The following KRT4 variants were observed in gnomAD, a reference collection of about 807,000 sequenced individuals.
The protein encoded by KRT4 is keratin, type II cytoskeletal 4.
KRT4 carries 47 observed loss-of-function variants against 50.6 expected under a neutral mutation model. The observed-to-expected ratio is 0.93, with a 90% CI of 0.73 to 1.18. The LOEUF (loss-of-function observed/expected upper bound fraction) is 1.18, where lower values mean the gene tolerates loss of function less well. KRT4 is among the 50% of genes most tolerant of loss of function. The pLI is 0.00. For synonymous variants in KRT4, 254 were observed against 251.2 expected, an observed-to-expected ratio of 1.01 and a Z score of -0.10; for missense variants, 651 against 645.7, an observed-to-expected ratio of 1.01 and a Z score of -0.09.
Position 52,813,689 on chromosome 12 carries a change from C to T in KRT4, c.370G>A (p.Val124Met), listed in dbSNP as rs568839414. ...INQSLLTPLH[V>M]EIDPEIQKVR... The stretch of plus-strand genomic sequence containing the variant: ...TTCTGGATCTCAGGGTCAATCTCCA[C>T]GTGGAGGGGGGTGAGCAAGCTCTGG... The change falls in exon 1 of 9, where the codon GTG becomes ATG. Residue 124 changes from valine to methionine, a missense_variant. Coordinates refer to ENST00000551956, the MANE Select transcript of KRT4 (RefSeq NM_002272.4). The T allele has an allele frequency of 1.1e-5, 18 of 1,571,808 alleles. No homozygotes were observed. In the East Asian group the frequency reaches 1.2e-4, roughly 10 times the overall value.
rs754381116 is a variant in KRT4, at chr12:52,814,097, C to T, written c.-39G>A. 1 of 1,613,748 alleles carries T rather than the reference C, an allele frequency of 6.2e-7. No individual in the cohort carries two copies. The highest frequency in any genetic ancestry group is 1.3e-5 in the African/African-American group (1 of 74,918). ...GAGCTGGGAGCTATCAGAGAAGTGA[C>T]AGGGCCCAGGCCGGTGAGTGCTGGA... On this transcript the variant is annotated 5_prime_UTR_variant, in exon 1 of 9. Coordinates refer to ENST00000551956, the MANE Select transcript of KRT4 (RefSeq NM_002272.4).
intron 2 of KRT4, chr12:52,811,041 A>G: frequency 1.8e-6 from 1 of 542,156 alleles, no homozygotes; most frequent in Non-Finnish European, 3.3e-6. Flanking sequence ...CCAAACTTTA[A>G]AGAGACTGTT....
chr12:52,808,018 T>G (rs1049324367), intron 6 of KRT4, among the ~76,000 whole-genome samples, 154 bp from the exon 7 acceptor site: 5 of 152,148 alleles, frequency 3.3e-5, no homozygotes, highest in Admixed American at 3.3e-4. Context: ...TCTCATTCAC[T>G]CCAGCCATAG....
At position 52,810,637 on chromosome 12, in the gene KRT4, T is replaced by G; in HGVS notation, c.738+119A>C. 6 of 833,732 alleles carry G rather than the reference T, an allele frequency of 7.2e-6. No individual in the cohort carries two copies. In the East Asian group the frequency reaches 1.5e-4, roughly 21 times the overall value. 51.6% of individuals were successfully genotyped at this position (833,732 alleles called of 1,614,324 possible). On this transcript the variant is annotated intron_variant, in intron 3 of 8. Transcript: ENST00000551956. ...CTTTCCTTGACTATATAGATCTAGA[T>G]AGTTCCAAGTGAAGCAGGGATGAGG...
chr12:52,807,136 C>T lies in KRT4; in HGVS notation c.1496G>A (p.Gly499Asp), dbSNP rs563283751. The stretch of plus-strand genomic sequence containing the variant: ...GCTGGAACTGCCAGAGACACTGCCA[C>T]CAAACCCAAAGCCACTTCCAGAGCC... ...GSGSGSGFGF[G>D]GSVSGSSSSK... is the part of the protein sequence containing the mutation. The change falls in exon 9 of 9, where the codon GGT (glycine) becomes GAT (aspartate). Residue 499 changes from glycine to aspartate, a missense_variant. Gly to Asp is a moderately conservative substitution (Grantham distance 94, BLOSUM62 -1). Transcript: ENST00000551956. 34 of 1,614,194 alleles carry T rather than the reference C, an allele frequency of 2.1e-5. No homozygotes were observed. In the South Asian group the frequency reaches 2.4e-4, roughly 11 times the overall value.
Position 52,807,001 on chromosome 12 carries a change from G to A in KRT4, c.*68C>T, listed in dbSNP as rs149040467. On this transcript the variant is annotated 3_prime_UTR_variant, in exon 9 of 9. Transcript: ENST00000551956. ...CAGAGACAGAGGATGGAGGTGAAGT[G>A]AAGGAAGCACAGAGACACCAGTGCT... is the stretch of plus-strand genomic sequence containing the variant. The A allele has an allele frequency of 2.9e-4, 422 of 1,479,832 alleles. 2 individuals are homozygous for A. In the African/African-American group the frequency reaches 5.5e-3, roughly 19 times the overall value. 91.7% of individuals were successfully genotyped at this position (1,479,832 alleles called of 1,614,324 possible). A position where few individuals can be genotyped will look rare whatever the true frequency, so the allele number is the denominator to read the frequency against.
At position 52,813,721 on chromosome 12, in the gene KRT4, G is replaced by A. The variant is rs767456647; in HGVS notation, c.338C>T (p.Thr113Ile). 4 of 1,614,140 alleles carry A rather than the reference G, an allele frequency of 2.5e-6. No individual in the cohort carries two copies. Among genetic ancestry groups the A allele is most frequent in the Non-Finnish European group, 3.4e-6 (4 of 1,179,974 alleles). Residue 113 changes from threonine to isoleucine, a missense_variant, in exon 1 of 9, where the codon ACC becomes ATC. Thr to Ile is a moderately conservative substitution (Grantham distance 89, BLOSUM62 -1). Transcript: ENST00000551956. ...VCPAGGIQEV[T>I]INQSLLTPLH... is the part of the protein sequence containing the mutation. The stretch of plus-strand genomic sequence containing the variant: ...GGGGGTGAGCAAGCTCTGGTTGATG[G>A]TGACCTCCTGAATTCCCCCAGCGGG...
chr12:52,812,779 T>G (rs1056876757), intron 1 of KRT4, among the ~76,000 whole-genome samples: 2 of 152,238 alleles, frequency 1.3e-5, no homozygotes, highest in Non-Finnish European at 2.9e-5. Flanking sequence ...TTATTCAAAC[T>G]AGCAAGAAGA....
intron 2 of KRT4, 36 bp from the exon 3 acceptor site, chr12:52,810,852 C>T (rs1939898446): frequency 1.3e-6 from 2 of 1,539,560 alleles, no homozygotes; most frequent in African/African-American, 1.4e-5. Context: ...GACAAAAACC[C>T]ACAGTGAGCT....
At chr12:52,808,262 T>C (rs1301383757) in intron 6 of KRT4, 32 bp downstream of exon 6, 2 of 1,613,638 alleles carry the variant, frequency 1.2e-6, no homozygotes, top group East Asian at 2.2e-5. Flanking sequence ...GCCCCTGGCC[T>C]TGTGCTCCAT....
intron 1 of KRT4, 73 bp downstream of exon 1, chr12:52,813,524 C>T (rs1939946833): frequency 7.4e-7 from 1 of 1,359,536 alleles, no homozygotes; most frequent in Non-Finnish European, 1.1e-6. Context: ...CTGTGGCAGG[C>T]TCAGGTCTGA....
chr12:52,809,012 A>G (rs1939859649), intron 4 of KRT4, 162 bp from the exon 5 acceptor site: 18 of 786,886 alleles, frequency 2.3e-5, no homozygotes, highest in Non-Finnish European at 3.7e-5. Context: ...AGGATGGAAG[A>G]GCAATGCTTC....
At chr12:52,807,472 A>G in intron 7 of KRT4, 79 bp from the exon 8 acceptor site, 1 of 1,563,894 alleles carries the variant, frequency 6.4e-7, no homozygotes, top group Non-Finnish European at 8.8e-7. Flanking sequence ...CACCTCTCTT[A>G]TCCTTGAGCA....
intron 4 of KRT4, 149 bp downstream of exon 4, chr12:52,809,234 T>A (rs1363170886): frequency 6.9e-6 from 5 of 728,652 alleles, no homozygotes; most frequent in Non-Finnish European, 1.3e-5. Context: ...ATTTCCCACT[T>A]CAAACCTTTC....
chr12:52,807,207 T>A lies in KRT4; in HGVS notation c.1425A>T (p.Gly475=). The A allele has an allele frequency of 1.2e-6, 2 of 1,614,044 alleles. No individual in the cohort carries two copies. The highest frequency in any genetic ancestry group is 2.2e-5 in the South Asian group (2 of 91,068). ...GGCCAAACCCGGAGCCACTTCCTAATCCTCCGCTGATGCCTCCAGTGCTGG... is the reference window on the plus strand; with the variant it reads ...GGCCAAACCCGGAGCCACTTCCTAAACCTCCGCTGATGCCTCCAGTGCTGG... The part of the protein sequence containing the change: ...GSTSTGGISG[G]LGSGSGFGLS... Residue 475 remains glycine, a synonymous_variant, in exon 9 of 9, where the codon GGA becomes GGT. Transcript: ENST00000551956.
In KRT4 at chr12:52,806,685, G is replaced by A. The variant is rs747164528; in HGVS notation, c.*384C>T. On this transcript the variant is annotated 3_prime_UTR_variant, in exon 9 of 9. Coordinates refer to ENST00000551956, the MANE Select transcript of KRT4 (RefSeq NM_002272.4). ...CTGCCGGGTGTTGGAGAAGTAGTTT[G>A]GTTCTGATGTAGATGGATAATACAG... 2.0e-5 allele frequency: 6 copies of A among 299,286 alleles called. No individual in the cohort carries two copies. Among genetic ancestry groups the A allele is most frequent in the Non-Finnish European group, 3.3e-5 (5 of 153,656 alleles). The allele number at this position is 299,286 out of a possible 1,614,324, so 18.5% of individuals were successfully genotyped here.
Position 52,813,688 on chromosome 12 carries a change from A to G in KRT4, c.371T>C (p.Val124Ala), listed in dbSNP as rs1265492277. 6.3e-7 allele frequency: 1 copy of G among 1,580,370 alleles called. No homozygotes were observed. The highest frequency in any genetic ancestry group is 1.1e-5 in the South Asian group (1 of 89,284). ...TTTCTGGATCTCAGGGTCAATCTCC[A>G]CGTGGAGGGGGGTGAGCAAGCTCTG... Reference protein sequence around the residue: ...INQSLLTPLHVEIDPEIQKVR... With the variant: ...INQSLLTPLHAEIDPEIQKVR... The change falls in exon 1 of 9, where the codon GTG becomes GCG. Residue 124 changes from valine (V) to alanine (A), a missense_variant. Coordinates refer to ENST00000551956, the MANE Select transcript of KRT4 (RefSeq NM_002272.4).
At chr12:52,813,559 C>A (rs1439711443) in intron 1 of KRT4, 38 bp downstream of exon 1, 1 of 1,586,408 alleles carries the variant, frequency 6.3e-7, no homozygotes, top group African/African-American at 1.3e-5. Context: ...GGACCCCTCT[C>A]TTCTAACTGC....
At chr12:52,810,275 C>A (rs182026468) in intron 3 of KRT4, among the ~76,000 whole-genome samples, 9 of 152,282 alleles carry the variant, frequency 5.9e-5, no homozygotes, top group Admixed American at 3.3e-4. Context: ...CAGCTGGGTG[C>A]GGTGGCTCAC....
Sources: gnomAD v4.1 joint callset for allele counts (sites outside exome capture counted in the v4.1 genomes callset) on GRCh38, gnomAD v4.1.1 for gene constraint, MANE v1.5 for transcripts, NCBI Gene and HGNC (gene_info 2026-07-23, HGNC 2026-07-21) for gene names.